ERP27: variants seen among roughly 807,000 people sequenced by gnomAD.
ERP27 encodes endoplasmic reticulum protein 27.
In ERP27, 23 loss-of-function variants were observed where a neutral mutation model predicts 27.7. The ratio of observed to expected loss-of-function variants is 0.83; its 90% CI spans 0.60 to 1.18. The LOEUF is 1.18. Among genes scored for constraint, ERP27 ranks in the 50% most tolerant of loss-of-function variants. The probability of loss-of-function intolerance (pLI) is 0.00; values close to 1 mark genes in which losing one functional copy is unlikely to be tolerated. For synonymous variants in ERP27, 159 were observed against 118.3 expected (o/e 1.34, Z -2.23); for missense variants, 363 against 327.9 (o/e 1.11, Z -0.83).
intron 2 of ERP27, 84 bp from the exon 3 acceptor site, chr12:14,935,077 G>T (rs942166256): frequency 1.4e-5 from 21 of 1,525,658 alleles, no homozygotes; most frequent in Admixed American, 4.1e-5. Flanking sequence ...ATGATATGAT[G>T]TTTACCAGAA....
At chr12:14,938,293 C>G in intron 1 of ERP27, 122 bp downstream of exon 1, 1 of 1,078,872 alleles carries the variant, frequency 9.3e-7, no homozygotes. Flanking sequence ...ATGCACTTAT[C>G]CAGGATTTCC....
At chr12:14,930,029 G>C (rs186921613) in intron 3 of ERP27, among the ~76,000 whole-genome samples, 1 of 151,962 alleles carries the variant, frequency 6.6e-6, no homozygotes, top group Admixed American at 6.6e-5. Context: ...ATAGGGGGCT[G>C]GGGGAGGGAG....
chr12:14,928,073 C>T (rs1863633513), intron 3 of ERP27, among the ~76,000 whole-genome samples: 1 of 152,164 alleles, frequency 6.6e-6, no homozygotes, highest in Non-Finnish European at 1.5e-5. Context: ...CAATTTTGTC[C>T]ATTTCCTACA....
At chr12:14,928,911 G>A in intron 3 of ERP27, 1 of 1,524,494 alleles carries the variant, frequency 6.6e-7, no homozygotes, top group Non-Finnish European at 8.8e-7. Flanking sequence ...AATAATATTT[G>A]CAGCTCCTCT....
At chr12:14,936,614 T>C (rs1442333088) in intron 2 of ERP27, among the ~76,000 whole-genome samples, 1 of 152,148 alleles carries the variant, frequency 6.6e-6, no homozygotes, top group Non-Finnish European at 1.5e-5. Flanking sequence ...AATCCCCACA[T>C]GTCAAGGGTG....
intron 3 of ERP27, among the ~76,000 whole-genome samples, chr12:14,923,282 G>T (rs927582968): frequency 2.0e-5 from 3 of 151,950 alleles, no homozygotes; most frequent in Non-Finnish European, 4.4e-5. Flanking sequence ...AAACTAAAAC[G>T]CTGGCTCATC....
intron 5 of ERP27, 162 bp from the exon 6 acceptor site, chr12:14,915,848 A>G (rs1863402733): frequency 3.0e-6 from 2 of 676,048 alleles, no homozygotes; most frequent in Non-Finnish European, 4.9e-6. Flanking sequence ...GTAACAAAGA[A>G]CAAAATCATG....
chr12:14,924,209 A>T (rs2417403), intron 3 of ERP27, among the ~76,000 whole-genome samples: 99,267 of 152,022 alleles, frequency 0.65, 32,614 homozygotes, highest in East Asian at 0.86. Flanking sequence ...ACAGAACTTC[A>T]CTCTTTTTTA....
chr12:14,934,802 G>A (rs559117895), intron 3 of ERP27, 54 bp downstream of exon 3: 1 of 1,608,814 alleles, frequency 6.2e-7, no homozygotes, highest in South Asian at 1.1e-5. Flanking sequence ...AAGTTTATGA[G>A]TCCACAACCC....
rs546015343 is a variant in ERP27, at chr12:14,934,606, C to T, written c.333+250G>A. Among the ~76,000 whole-genome samples the T allele has an allele frequency of 4.6e-5, 7 of 152,312 alleles. No homozygotes were observed. In the South Asian group the frequency reaches 1.5e-3, roughly 32 times the overall value. On this transcript the variant is annotated intron_variant, in intron 3 of 6. Coordinates refer to ENST00000266397, the MANE Select transcript of ERP27 (RefSeq NM_152321.4). ...AAAATGTTAAGTGACTGCCCAAAGT[C>T]ATGTGGCTGTTGAGCGACAAAGCAG...
Position 14,914,395 on chromosome 12 carries a change from A to G in ERP27, c.*340T>C, listed in dbSNP as rs1415347365. 6 of 268,488 alleles carry G rather than the reference A, an allele frequency of 2.2e-5. No individual in the cohort carries two copies. The highest frequency in any genetic ancestry group is 1.5e-4 in the Admixed American group (3 of 20,216). 16.6% of individuals were successfully genotyped at this position (268,488 alleles called of 1,614,324 possible). A position where few individuals can be genotyped will look rare whatever the true frequency, so the allele number is the denominator to read the frequency against. On this transcript the variant is annotated 3_prime_UTR_variant, in exon 7 of 7. Transcript: ENST00000266397. ...TTCTCTAGGAATGCCTCTCTTTCAT[A>G]GAGGCATCACAGTGAGTCTCTTAAA...
chr12:14,933,619 A>G (rs886737448), intron 3 of ERP27, among the ~76,000 whole-genome samples: 5 of 152,220 alleles, frequency 3.3e-5, no homozygotes, highest in African/African-American at 4.8e-5. Flanking sequence ...TTCAGTCCCG[A>G]AATACTGAAA....
rs372485963 is a variant in ERP27, at chr12:14,934,894, A to G, written c.295T>C (p.Tyr99His). ...ISTDSEVLTH[Y>H]NITGNTICLF... Reference sequence around the variant, plus strand: ...CAGATGGTGTTCCCAGTGATGTTGTAGTGTGTCAGAACCTCAGAATCAGTG... The same window carrying G: ...CAGATGGTGTTCCCAGTGATGTTGTGGTGTGTCAGAACCTCAGAATCAGTG... Residue 99 changes from tyrosine to histidine, a missense_variant, in exon 3 of 7, where the codon TAC (tyrosine) becomes CAC (histidine). By Grantham distance (83) the Tyr-to-His change is moderately conservative (BLOSUM62 2). Transcript: ENST00000266397. 146 of 1,613,998 alleles carry G rather than the reference A, an allele frequency of 9.0e-5. No homozygotes were observed. The highest frequency in any genetic ancestry group is 1.2e-4 in the Non-Finnish European group (138 of 1,179,980).
intron 3 of ERP27, among the ~76,000 whole-genome samples, chr12:14,924,319 T>C (rs1863563666): frequency 6.6e-6 from 1 of 152,228 alleles, no homozygotes; most frequent in Non-Finnish European, 1.5e-5. Context: ...TTATTGTGAA[T>C]AGTGCTGCAA....
intron 3 of ERP27, 108 bp from the exon 4 acceptor site, chr12:14,921,156 A>C: frequency 1.2e-6 from 1 of 851,564 alleles, no homozygotes. Flanking sequence ...TCTGAAGACC[A>C]AAAGATAAGT....
At chr12:14,935,639 G>C (rs1863762424) in intron 2 of ERP27, among the ~76,000 whole-genome samples, 1 of 152,154 alleles carries the variant, frequency 6.6e-6, no homozygotes, top group Non-Finnish European at 1.5e-5. Flanking sequence ...GATGCCTGTG[G>C]TTGCCGGTTA....
intron 5 of ERP27, among the ~76,000 whole-genome samples, chr12:14,916,678 T>C (rs561510163): frequency 5.3e-5 from 8 of 152,302 alleles, no homozygotes; most frequent in African/African-American, 1.9e-4. Flanking sequence ...GAACAGTCAC[T>C]AGTTAGGCAC....
intron 4 of ERP27, among the ~76,000 whole-genome samples, chr12:14,919,321 G>T (rs193157307): frequency 2.0e-5 from 3 of 152,104 alleles, no homozygotes; most frequent in Admixed American, 2.0e-4. Context: ...AAAAAGATAC[G>T]TCATTGCTCT....
intron 3 of ERP27, among the ~76,000 whole-genome samples, chr12:14,925,345 A>G (rs1233816731): frequency 6.6e-6 from 1 of 152,214 alleles, no homozygotes; most frequent in Non-Finnish European, 1.5e-5. Context: ...GGGTCATTCC[A>G]TGTTTTTATG....
Sources: allele counts gnomAD v4.1 joint callset (sites outside exome capture counted in the v4.1 genomes callset), GRCh38; gene constraint gnomAD v4.1.1; transcripts MANE v1.5; gene names NCBI Gene and HGNC (gene_info 2026-07-23, HGNC 2026-07-21).